The following GIMAP6 variants were observed in gnomAD, a reference collection of about 807,000 sequenced individuals.
GIMAP6 encodes the protein GTPase, IMAP family member 6.
In GIMAP6, 6 loss-of-function variants were observed where a neutral mutation model predicts 9.3. The ratio of observed to expected loss-of-function variants is 0.65; its 90% CI spans 0.35 to 1.27. GIMAP6 has a LOEUF of 1.27. GIMAP6 is among the 50% of genes most tolerant of loss of function. The pLI is 0.03. For synonymous variants in GIMAP6, 156 were observed against 151.1 expected, an observed-to-expected ratio of 1.03 and a Z score of -0.24; for missense variants, 333 against 359.5, an observed-to-expected ratio of 0.93 and a Z score of 0.60.
chr7:150,627,349 G>A lies in GIMAP6; in HGVS notation c.*370C>T, dbSNP rs1028263713. 4.9e-5 allele frequency: 15 copies of A among 307,742 alleles called. No individual in the cohort carries two copies. The highest frequency in any genetic ancestry group is 1.1e-3 in the Middle Eastern group (1 of 916). The allele number at this position is 307,742 out of a possible 1,614,324, so 19.1% of individuals were successfully genotyped here. ...AACGTGACTGCATGACTCCAATGCAGTCAAAAGCTGTGGAAGTTACACAGA... is the reference window on the plus strand; with the variant it reads ...AACGTGACTGCATGACTCCAATGCAATCAAAAGCTGTGGAAGTTACACAGA... On this transcript the variant is annotated 3_prime_UTR_variant, in exon 3 of 3. Coordinates refer to ENST00000328902, the MANE Select transcript of GIMAP6 (RefSeq NM_024711.6).
In GIMAP6 at chr7:150,628,109, G is replaced by T; in HGVS notation, c.489C>A (p.Thr163=). ...GVLGHTILVF[T]RKEDLAGGSL... Reference sequence around the variant, plus strand: ...AGCCGCCAGCCAGGTCTTCCTTCCGGGTGAACACCAGGATGGTGTGACCCA... The same window carrying T: ...AGCCGCCAGCCAGGTCTTCCTTCCGTGTGAACACCAGGATGGTGTGACCCA... The change falls in exon 3 of 3, where the codon ACC becomes ACA. Residue 163 remains threonine, a synonymous_variant. Coordinates refer to ENST00000328902, the MANE Select transcript of GIMAP6 (RefSeq NM_024711.6). 6 of 1,614,182 alleles carry T rather than the reference G, an allele frequency of 3.7e-6. No homozygotes were observed. The highest frequency in any genetic ancestry group is 1.7e-6 in the Non-Finnish European group (2 of 1,180,040).
Position 150,625,997 on chromosome 7 carries a change from T to C in GIMAP6, c.*1722A>G, listed in dbSNP as rs1796285953. 6.6e-6 allele frequency: 1 copy of C among 152,264 alleles called. No individual in the cohort carries two copies. Among genetic ancestry groups the C allele is most frequent in the Admixed American group, 6.5e-5 (1 of 15,292 alleles). The allele number at this position is 152,264 out of a possible 1,614,324, so 9.4% of individuals were successfully genotyped here. A position where few individuals can be genotyped will look rare whatever the true frequency, so the allele number is the denominator to read the frequency against. On this transcript the variant is annotated 3_prime_UTR_variant, in exon 3 of 3. Transcript: ENST00000328902. Reference sequence around the variant, plus strand: ...AATTGATCGCTTATTTAATAAGTGATTGTGGCACAAAGGCTGTCTTCAGCA... The same window carrying C: ...AATTGATCGCTTATTTAATAAGTGACTGTGGCACAAAGGCTGTCTTCAGCA...
Position 150,628,500 on chromosome 7 carries a change from T to C in GIMAP6, c.98A>G (p.Lys33Arg). Residue 33 changes from lysine to arginine, a missense_variant, in exon 3 of 3, where the codon AAA becomes AGA. Lys to Arg is a conservative substitution (Grantham distance 26, BLOSUM62 2). Transcript: ENST00000328902. The part of the protein sequence containing the change: ...VLELSGGLRE[K>R]EQKTPRRLRL... ...CAGTCTCCTTGGGGTCTTCTGTTCT[T>C]TCTCCCTTAGACCTAGAAATATCCA... 1 of 1,613,768 alleles carries C rather than the reference T, an allele frequency of 6.2e-7. No individual in the cohort carries two copies. Among genetic ancestry groups the C allele is most frequent in the Non-Finnish European group, 8.5e-7 (1 of 1,180,028 alleles).
intron 2 of GIMAP6, among the ~76,000 whole-genome samples, chr7:150,629,445 C>T (rs1396040876): frequency 6.6e-6 from 1 of 152,174 alleles, no homozygotes; most frequent in Non-Finnish European, 1.5e-5. Flanking sequence ...ATCATTTCTT[C>T]TGGCCAGGAA....
intron 1 of GIMAP6, among the ~76,000 whole-genome samples, chr7:150,631,682 C>T (rs368787555): frequency 7.2e-5 from 11 of 152,182 alleles, no homozygotes; most frequent in Non-Finnish European, 1.6e-4. Flanking sequence ...AGACCCTCCC[C>T]GGAATGGCAC....
chr7:150,630,268 G>A, intron 1 of GIMAP6, 126 bp from the exon 2 acceptor site: 2 of 627,460 alleles, frequency 3.2e-6, no homozygotes, highest in Non-Finnish European at 5.3e-6. Context: ...TAGGGTTGGG[G>A]TGGGACTGAG....
At chr7:150,630,656 T>C (rs1015523033) in intron 1 of GIMAP6, among the ~76,000 whole-genome samples, 23 of 152,070 alleles carry the variant, frequency 1.5e-4, no homozygotes, top group African/African-American at 5.6e-4. Context: ...GGCCAGACTT[T>C]GGAGAAGACT....
At position 150,627,851 on chromosome 7, in the gene GIMAP6, C is replaced by T. The variant is rs147304435; in HGVS notation, c.747G>A (p.Gln249=). ...CTTGGCCCTGGCTTACTTGCCTTTC[C>T]TGTAGTTCTTTCAGCCGAAAGTTTT... ...TQQNFRLKEL[Q]ERQVSQGQGS... is the part of the protein sequence containing the mutation. The change falls in exon 3 of 3, where the codon CAG becomes CAA. Residue 249 remains glutamine (Q), a synonymous_variant. Coordinates refer to ENST00000328902, the MANE Select transcript of GIMAP6 (RefSeq NM_024711.6). 77 of 1,614,128 alleles carry T rather than the reference C, an allele frequency of 4.8e-5. No homozygotes were observed. Among genetic ancestry groups the T allele is most frequent in the Non-Finnish European group, 6.3e-5 (74 of 1,180,054 alleles).
chr7:150,631,403 G>A (rs2116789077), intron 1 of GIMAP6, among the ~76,000 whole-genome samples: 1 of 152,330 alleles, frequency 6.6e-6, no homozygotes, highest in Non-Finnish European at 1.5e-5. Flanking sequence ...TCTGGAAGGA[G>A]TACAATATTT....
At chr7:150,628,816 T>C (rs550944955) in intron 2 of GIMAP6, 2 of 1,270,998 alleles carry the variant, frequency 1.6e-6, no homozygotes, top group African/African-American at 1.5e-5. Context: ...GGAAGGGAAT[T>C]CCCTTCTCCT....
Position 150,625,495 on chromosome 7 carries a change from T to C in GIMAP6, c.*2224A>G, listed in dbSNP as rs1796278049. On this transcript the variant is annotated 3_prime_UTR_variant, in exon 3 of 3. Coordinates refer to ENST00000328902, the MANE Select transcript of GIMAP6 (RefSeq NM_024711.6). ...TTTTCTATTATGACATTACTTAAGC[T>C]AATAGAGTTAAAATAATAGCATCAA... The C allele has an allele frequency of 6.6e-6, 1 of 152,252 alleles. No individual in the cohort carries two copies. Among genetic ancestry groups the C allele is most frequent in the African/African-American group, 2.4e-5 (1 of 41,468 alleles). The allele number at this position is 152,252 out of a possible 1,614,324, so 9.4% of individuals were successfully genotyped here.
At position 150,627,351 on chromosome 7, in the gene GIMAP6, C is replaced by T. The variant is rs540440065; in HGVS notation, c.*368G>A. 1 of 308,032 alleles carries T rather than the reference C, an allele frequency of 3.2e-6. No homozygotes were observed. Among genetic ancestry groups the T allele is most frequent in the Admixed American group, 4.7e-5 (1 of 21,240 alleles). 19.1% of individuals were successfully genotyped at this position (308,032 alleles called of 1,614,324 possible). Reference sequence around the variant, plus strand: ...CGTGACTGCATGACTCCAATGCAGTCAAAAGCTGTGGAAGTTACACAGAAG... The same window carrying T: ...CGTGACTGCATGACTCCAATGCAGTTAAAAGCTGTGGAAGTTACACAGAAG... On this transcript the variant is annotated 3_prime_UTR_variant, in exon 3 of 3. Coordinates refer to ENST00000328902, the MANE Select transcript of GIMAP6 (RefSeq NM_024711.6).
chr7:150,628,647 C>A, intron 2 of GIMAP6, 135 bp from the exon 3 acceptor site: 1 of 1,587,160 alleles, frequency 6.3e-7, no homozygotes, highest in Non-Finnish European at 8.5e-7. Context: ...GCCCTGAAAC[C>A]AGCGCTGGGC....
chr7:150,630,940 C>T (rs1796381468), intron 1 of GIMAP6, among the ~76,000 whole-genome samples: 1 of 152,208 alleles, frequency 6.6e-6, no homozygotes, highest in Non-Finnish European at 1.5e-5. Flanking sequence ...TTTCCCATGA[C>T]AGCAATGTGT....
chr7:150,629,452 G>A (rs1383918792), intron 2 of GIMAP6, among the ~76,000 whole-genome samples: 1 of 152,168 alleles, frequency 6.6e-6, no homozygotes. Flanking sequence ...CTTCTGGCCA[G>A]GAAAGGGCTG....
intron 1 of GIMAP6, among the ~76,000 whole-genome samples, chr7:150,631,040 T>C (rs946430032): frequency 6.6e-6 from 1 of 152,154 alleles, no homozygotes; most frequent in African/African-American, 2.4e-5. Context: ...AGGAGGAAGT[T>C]GCATGGTCCA....
intron 2 of GIMAP6, 141 bp downstream of exon 2, chr7:150,629,917 C>CCT: frequency 1.5e-6 from 1 of 670,164 alleles, no homozygotes. Flanking sequence ...ACCCCAAAGG[C>CCT]CTCTGATGGT....
At chr7:150,630,168 A>T in intron 1 of GIMAP6, 26 bp from the exon 2 acceptor site, 1 of 1,168,426 alleles carries the variant, frequency 8.6e-7, no homozygotes, top group Non-Finnish European at 1.2e-6. Context: ...AAAAAAAAAA[A>T]TCATATGTTC....
chr7:150,631,629 C>T lies in GIMAP6; in HGVS notation c.-1+540G>A, dbSNP rs113523783. 4.3e-3 allele frequency among the ~76,000 whole-genome samples: 658 copies of T among 152,280 alleles called. 4 individuals carry two copies. Among genetic ancestry groups the T allele is most frequent in the African/African-American group, 0.011 (451 of 41,548 alleles). Reference sequence around the variant, plus strand: ...ACCTGCACTGTGCCTTCGCAGGGTTCGGGGAATGGGTCTGCACGCAAGGCA... The same window carrying T: ...ACCTGCACTGTGCCTTCGCAGGGTTTGGGGAATGGGTCTGCACGCAAGGCA... On this transcript the variant is annotated intron_variant, in intron 1 of 2. Coordinates refer to ENST00000328902, the MANE Select transcript of GIMAP6 (RefSeq NM_024711.6).
Sources: gnomAD v4.1 joint callset for allele counts (sites outside exome capture counted in the v4.1 genomes callset) on GRCh38, gnomAD v4.1.1 for gene constraint, MANE v1.5 for transcripts, NCBI Gene and HGNC (gene_info 2026-07-23, HGNC 2026-07-21) for gene names.